SIPA1L3: variants seen among roughly 807,000 people sequenced by gnomAD.
The protein encoded by SIPA1L3 is signal induced proliferation associated 1 like 3.
SIPA1L3 carries 59 observed loss-of-function variants against 150.1 expected under a neutral mutation model. The ratio of observed to expected loss-of-function variants is 0.39; its 90% CI spans 0.32 to 0.49. SIPA1L3 has a LOEUF of 0.49. Among genes scored for constraint, SIPA1L3 ranks in the 20% least tolerant of loss-of-function variants. The pLI is 0.86. For missense variants in SIPA1L3, 2,211 were observed against 2,489.5 expected, an observed-to-expected ratio of 0.89 and a Z score of 2.38; for synonymous variants, 1,070 against 1,077.6, an observed-to-expected ratio of 0.99 and a Z score of 0.14.
intron 1 of SIPA1L3, among the ~76,000 whole-genome samples, chr19:37,972,439 A>C (rs1443183434): frequency 1.3e-5 from 2 of 152,174 alleles, no homozygotes. Context: ...GTGGTGGCTC[A>C]TGCCTGTAAT....
At chr19:38,166,437 C>G (rs1288787647) in intron 15 of SIPA1L3, among the ~76,000 whole-genome samples, 4 of 145,234 alleles carry the variant, frequency 2.8e-5, no homozygotes, top group Non-Finnish European at 4.5e-5. Flanking sequence ...ACCCAGGCGA[C>G]AGAGCAAGAC....
intron 1 of SIPA1L3, among the ~76,000 whole-genome samples, chr19:37,982,463 T>C (rs1189464380): frequency 2.6e-5 from 4 of 152,198 alleles, no homozygotes; most frequent in Non-Finnish European, 5.9e-5. Flanking sequence ...CACCATGTGC[T>C]TGGTGTTGCG....
At chr19:37,931,204 TA>T (rs753177883) in intron 1 of SIPA1L3, among the ~76,000 whole-genome samples, 5 of 152,228 alleles carry the variant, frequency 3.3e-5, no homozygotes, top group Non-Finnish European at 4.4e-5. Context: ...GCCACAAGCA[TA>T]GTGCTCACCA....
At chr19:38,115,313 C>T (rs1427605643) in intron 8 of SIPA1L3, among the ~76,000 whole-genome samples, 1 of 152,184 alleles carries the variant, frequency 6.6e-6, no homozygotes, top group Non-Finnish European at 1.5e-5. Flanking sequence ...CAGCCTCTCT[C>T]CTCCCACCTT....
At position 38,060,112 on chromosome 19, in the gene SIPA1L3, C is replaced by T. The variant is rs144924301; in HGVS notation, c.-310-21144C>T. 2.5e-3 allele frequency among the ~76,000 whole-genome samples: 387 copies of T among 152,322 alleles called. 1 individual carries two copies. Among genetic ancestry groups the T allele is most frequent in the African/African-American group, 8.5e-3 (353 of 41,580 alleles). ...CTAAAAGCAACTGCTCTCTGCACTT[C>T]ACAGTCACCATTTCCTGGCATTGTG... On this transcript the variant is annotated intron_variant, in intron 2 of 21. Coordinates refer to ENST00000222345, the MANE Select transcript of SIPA1L3 (RefSeq NM_015073.3).
chr19:38,160,074 C>T lies in SIPA1L3; in HGVS notation c.3662-2179C>T, dbSNP rs1050282157. ...TTGCCCAGGATGGAGTGTAATGGCG[C>T]GATCTCGGCTCACTGCAGCCTCCAC... On this transcript the variant is annotated intron_variant, in intron 13 of 21. Transcript: ENST00000222345. Among the ~76,000 whole-genome samples, 9 of 152,064 alleles carry T rather than the reference C, an allele frequency of 5.9e-5. No individual in the cohort carries two copies. The East Asian group carries it at 7.7e-4, about 13-fold the overall frequency.
chr19:38,180,543 T>C (rs1204835797), intron 15 of SIPA1L3, among the ~76,000 whole-genome samples: 2 of 150,456 alleles, frequency 1.3e-5, no homozygotes, highest in Non-Finnish European at 3.0e-5. Flanking sequence ...TTTTCTTTTT[T>C]TTTTTTTTTT....
intron 2 of SIPA1L3, among the ~76,000 whole-genome samples, chr19:38,057,994 C>G (rs1969361921): frequency 6.6e-6 from 1 of 151,966 alleles, no homozygotes; most frequent in African/African-American, 2.4e-5. Flanking sequence ...TGCCAAATTG[C>G]CCCTAGAAAG....
chr19:37,976,690 A>C (rs576924849), intron 1 of SIPA1L3, among the ~76,000 whole-genome samples: 9 of 152,192 alleles, frequency 5.9e-5, no homozygotes, highest in African/African-American at 1.2e-4. Flanking sequence ...TTTGTCGGCT[A>C]TAAGATGGGA....
intron 1 of SIPA1L3, among the ~76,000 whole-genome samples, chr19:37,991,891 G>A (rs901673380): frequency 1.3e-5 from 2 of 152,170 alleles, no homozygotes; most frequent in Admixed American, 6.5e-5. Flanking sequence ...AGCTGGGTTC[G>A]GGCCCCACCC....
At chr19:37,946,304 G>T (rs372310203) in intron 1 of SIPA1L3, among the ~76,000 whole-genome samples, 96 of 151,314 alleles carry the variant, frequency 6.3e-4, no homozygotes, top group Middle Eastern at 6.8e-3. Context: ...ACTTTTTTTT[G>T]TGTGTGTGTG....
At chr19:37,950,918 A>C (rs2046758123) in intron 1 of SIPA1L3, among the ~76,000 whole-genome samples, 1 of 152,256 alleles carries the variant, frequency 6.6e-6, no homozygotes, top group African/African-American at 2.4e-5. Context: ...TCTTGGTAAC[A>C]GTTGGGATTC....
intron 1 of SIPA1L3, among the ~76,000 whole-genome samples, chr19:37,956,234 G>T (rs1365375372): frequency 2.0e-5 from 3 of 152,146 alleles, no homozygotes; most frequent in Non-Finnish European, 4.4e-5. Flanking sequence ...TCTCATTGTA[G>T]TTGTGATTTG....
At chr19:37,991,286 T>C (rs1236051527) in intron 1 of SIPA1L3, among the ~76,000 whole-genome samples, 4 of 152,078 alleles carry the variant, frequency 2.6e-5, no homozygotes, top group Admixed American at 2.6e-4. Context: ...AAAAAAATAG[T>C]CTCAAAGCTG....
At chr19:38,172,829 G>A (rs1033615598) in intron 15 of SIPA1L3, among the ~76,000 whole-genome samples, 12 of 152,184 alleles carry the variant, frequency 7.9e-5, no homozygotes, top group Non-Finnish European at 1.5e-5. Flanking sequence ...ATTACTGTGG[G>A]CTGGACGTAG....
intron 1 of SIPA1L3, among the ~76,000 whole-genome samples, chr19:38,012,759 C>A (rs1017315393): frequency 1.3e-5 from 2 of 152,116 alleles, no homozygotes; most frequent in African/African-American, 4.8e-5. Flanking sequence ...CTGCCATTCT[C>A]GGGCCCTTGC....
In SIPA1L3 at chr19:38,082,686, C is replaced by T. The variant is rs1282296146; in HGVS notation, c.1121C>T (p.Ala374Val). 2 of 1,609,026 alleles carry T rather than the reference C, an allele frequency of 1.2e-6. No individual in the cohort carries two copies. The highest frequency in any genetic ancestry group is 1.7e-6 in the Non-Finnish European group (2 of 1,178,884). The change falls in exon 3 of 22, where the codon GCC (alanine) becomes GTC (valine). Residue 374 changes from alanine to valine, a missense_variant. Ala to Val is a moderately conservative substitution (Grantham distance 64). Transcript: ENST00000222345. ...CGGAACACCACCACGGGTGCTTCGGCCGCTTCCGCCGCCTCGGCCATGGCC... is the reference window on the plus strand; with the variant it reads ...CGGAACACCACCACGGGTGCTTCGGTCGCTTCCGCCGCCTCGGCCATGGCC... ...QRRNTTTGASAASAASAMASL... is the reference protein window; with the variant it reads ...QRRNTTTGASVASAASAMASL...
intron 4 of SIPA1L3, among the ~76,000 whole-genome samples, chr19:38,099,758 A>G (rs774297471): frequency 3.6e-4 from 55 of 152,214 alleles, no homozygotes; most frequent in South Asian, 1.0e-3. Context: ...GCTGAGGCTC[A>G]GAGATATGAA....
At chr19:38,079,027 T>C (rs933137633) in intron 2 of SIPA1L3, among the ~76,000 whole-genome samples, 5 of 152,198 alleles carry the variant, frequency 3.3e-5, no homozygotes, top group African/African-American at 1.2e-4. Flanking sequence ...TTCACTCATA[T>C]GTATAATACT....
Sources: allele counts gnomAD v4.1 joint callset (sites outside exome capture counted in the v4.1 genomes callset), GRCh38; gene constraint gnomAD v4.1.1; transcripts MANE v1.5; gene names NCBI Gene and HGNC (gene_info 2026-07-23, HGNC 2026-07-21).